Variants in NPAS3 observed in about 807,000 individuals in gnomAD.
NPAS3 encodes neuronal PAS domain protein 3.
NPAS3 carries 14 observed loss-of-function variants against 73.1 expected under a neutral mutation model. The ratio of observed to expected loss-of-function variants is 0.19; its 90% CI spans 0.13 to 0.30. The LOEUF is 0.30. Ranked by LOEUF, NPAS3 falls within the 10% of genes least tolerant of loss-of-function variation. The probability of loss-of-function intolerance (pLI) is 1.00; values close to 1 mark genes in which losing one functional copy is unlikely to be tolerated. For synonymous variants in NPAS3, 620 were observed against 541.5 expected, an observed-to-expected ratio of 1.14 and a Z score of -2.01; for missense variants, 1,096 against 1,250.0, an observed-to-expected ratio of 0.88 and a Z score of 1.86.
chr14:33,713,988 C>T (rs905137056), intron 6 of NPAS3, among the ~76,000 whole-genome samples: 3 of 152,128 alleles, frequency 2.0e-5, no homozygotes, highest in African/African-American at 4.8e-5. Flanking sequence ...CACTATCTCA[C>T]CGGATATCCA....
intron 9 of NPAS3, among the ~76,000 whole-genome samples, chr14:33,791,626 T>C (rs1159282177): frequency 6.6e-6 from 1 of 152,212 alleles, no homozygotes; most frequent in African/African-American, 2.4e-5. Context: ...GGGATTTTAT[T>C]AAGAGAAAGT....
At chr14:33,484,675 C>CA (rs774418116) in intron 4 of NPAS3, among the ~76,000 whole-genome samples, 9 of 152,190 alleles carry the variant, frequency 5.9e-5, no homozygotes, top group Non-Finnish European at 1.2e-4. Flanking sequence ...AGTTAAAATA[C>CA]CTGGTCCATA....
intron 3 of NPAS3, among the ~76,000 whole-genome samples, chr14:33,281,236 A>G (rs554346560): frequency 3.5e-4 from 53 of 152,354 alleles, no homozygotes; most frequent in Non-Finnish European, 7.5e-4. Flanking sequence ...TGGGATCTGG[A>G]AATGGTAGAT....
In NPAS3 at chr14:33,634,903, T is replaced by C. The variant is rs554245265; in HGVS notation, c.559-41308T>C. On this transcript the variant is annotated intron_variant, in intron 5 of 11. Coordinates refer to ENST00000356141, the Ensembl canonical transcript of NPAS3. ...CAGCAGCATCACCTGAAACTTGTTT[T>C]TCTGAATGCAAATTCTGAGCCCCAC... Among the ~76,000 whole-genome samples the C allele has an allele frequency of 2.6e-5, 4 of 152,308 alleles. No homozygotes were observed. In the South Asian group the frequency reaches 8.3e-4, roughly 32 times the overall value.
intron 4 of NPAS3, among the ~76,000 whole-genome samples, chr14:33,368,635 C>A (rs1485364257): frequency 6.6e-6 from 1 of 152,132 alleles, no homozygotes; most frequent in East Asian, 1.9e-4. Flanking sequence ...GTTAATATCT[C>A]ATAGAACTGA....
Position 33,630,195 on chromosome 14 carries a change from A to T in NPAS3, c.559-46016A>T, listed in dbSNP as rs138144620. On this transcript the variant is annotated intron_variant, in intron 5 of 11. Transcript: ENST00000356141. ...TCAATTTTGAGTTTAAATACCTTTC[A>T]CTTGAAAGTCTACGGGATTTTGATC... is the stretch of plus-strand genomic sequence containing the variant. 3.3e-3 allele frequency among the ~76,000 whole-genome samples: 503 copies of T among 152,300 alleles called. 2 individuals are homozygous for T. Among genetic ancestry groups the T allele is most frequent in the African/African-American group, 0.012 (482 of 41,570 alleles).
chr14:33,782,811 G>T (rs1595604647), intron 9 of NPAS3, among the ~76,000 whole-genome samples: 4 of 141,272 alleles, frequency 2.8e-5, no homozygotes, highest in South Asian at 4.4e-4. Context: ...ATACTTGGGG[G>T]TTGTTTTTTT....
chr14:33,210,175 A>G (rs1342230453), intron 2 of NPAS3, among the ~76,000 whole-genome samples: 3 of 152,208 alleles, frequency 2.0e-5, no homozygotes, highest in African/African-American at 7.2e-5. Flanking sequence ...TTGATCAACC[A>G]CAAAGGATAA....
chr14:33,659,645 A>G (rs1379255742), intron 5 of NPAS3, among the ~76,000 whole-genome samples: 1 of 152,192 alleles, frequency 6.6e-6, no homozygotes, highest in Non-Finnish European at 1.5e-5. Flanking sequence ...AGCCAAAGCC[A>G]TTAGATTGTA....
chr14:33,365,436 G>C (rs2045799123), intron 3 of NPAS3, among the ~76,000 whole-genome samples: 1 of 152,054 alleles, frequency 6.6e-6, no homozygotes, highest in African/African-American at 2.4e-5. Context: ...AAGTATATCT[G>C]AATATTAAAA....
At chr14:33,171,138 C>T (rs2045372880) in intron 2 of NPAS3, among the ~76,000 whole-genome samples, 1 of 152,202 alleles carries the variant, frequency 6.6e-6, no homozygotes, top group Admixed American at 6.5e-5. Flanking sequence ...TCTCCTTGTA[C>T]ATCTCCATCA....
chr14:33,346,641 G>T (rs1415798230), intron 3 of NPAS3, among the ~76,000 whole-genome samples: 1 of 151,384 alleles, frequency 6.6e-6, no homozygotes, highest in Non-Finnish European at 1.5e-5. Context: ...AAACACAAAT[G>T]TTTAGCTTTC....
chr14:33,220,782 A>G (rs1225913149), intron 3 of NPAS3, among the ~76,000 whole-genome samples: 2 of 152,216 alleles, frequency 1.3e-5, no homozygotes, highest in East Asian at 3.8e-4. Flanking sequence ...CATTGCTGGT[A>G]TCTTGCTGCA....
At chr14:32,943,566 G>C (rs182734875) in intron 1 of NPAS3, among the ~76,000 whole-genome samples, 50 of 152,210 alleles carry the variant, frequency 3.3e-4, no homozygotes, top group African/African-American at 1.0e-3. Context: ...AGGATCCCCT[G>C]CTCTGTGGTG....
At chr14:33,090,294 T>A (rs1237797440) in intron 2 of NPAS3, among the ~76,000 whole-genome samples, 1 of 151,846 alleles carries the variant, frequency 6.6e-6, no homozygotes, top group Non-Finnish European at 1.5e-5. Flanking sequence ...AAATAAAGGA[T>A]GGAGGAAGAT....
intron 5 of NPAS3, among the ~76,000 whole-genome samples, chr14:33,565,791 G>A (rs1004001657): frequency 2.0e-5 from 3 of 152,124 alleles, no homozygotes; most frequent in African/African-American, 7.2e-5. Flanking sequence ...TGTTCTAAAT[G>A]TATTCAATGC....
intron 1 of NPAS3, among the ~76,000 whole-genome samples, chr14:32,950,835 G>A (rs1243801090): frequency 3.9e-5 from 6 of 152,102 alleles, no homozygotes; most frequent in Non-Finnish European, 7.4e-5. Flanking sequence ...CCATAACATT[G>A]CTGAATCAGG....
chr14:33,057,860 A>C (rs2040944790), intron 2 of NPAS3, among the ~76,000 whole-genome samples: 1 of 152,200 alleles, frequency 6.6e-6, no homozygotes, highest in Non-Finnish European at 1.5e-5. Context: ...TGTGTATTTT[A>C]GTGAAGATGC....
intron 3 of NPAS3, among the ~76,000 whole-genome samples, chr14:33,336,121 A>G (rs1370071903): frequency 6.6e-6 from 1 of 152,170 alleles, no homozygotes; most frequent in East Asian, 1.9e-4. Flanking sequence ...TTTCATGTGT[A>G]CTGTTATCTC....
Sources: gnomAD v4.1 joint callset for allele counts (sites outside exome capture counted in the v4.1 genomes callset) on GRCh38, gnomAD v4.1.1 for gene constraint, MANE v1.5 for transcripts, NCBI Gene and HGNC (gene_info 2026-07-23, HGNC 2026-07-21) for gene names.